The following ADAMTS20 variants were observed in gnomAD, a reference collection of about 807,000 sequenced individuals.
ADAMTS20 encodes the protein ADAM metallopeptidase with thrombospondin type 1 motif 20.
In ADAMTS20, 225 loss-of-function variants were observed where a neutral mutation model predicts 260.1. That is an observed-to-expected ratio of 0.87 (90% CI 0.78 to 0.97). ADAMTS20 has a LOEUF of 0.97. Ranked by LOEUF, ADAMTS20 falls within the 50% of genes least tolerant of loss-of-function variation. The pLI, the probability that ADAMTS20 is intolerant of heterozygous loss-of-function variation, is 0.00. For synonymous variants in ADAMTS20, 802 were observed against 769.5 expected, an observed-to-expected ratio of 1.04 and a Z score of -0.70; for missense variants, 2,400 against 2,337.7, an observed-to-expected ratio of 1.03 and a Z score of -0.55.
At chr12:43,427,829 T>C (rs183192636) in intron 26 of ADAMTS20, among the ~76,000 whole-genome samples, 4 of 152,346 alleles carry the variant, frequency 2.6e-5, no homozygotes, top group Admixed American at 2.6e-4. Flanking sequence ...TTATTTTGTA[T>C]TATGAATGTT....
Position 43,492,633 on chromosome 12 carries a change from T to A in ADAMTS20, c.952-4A>T. Reference sequence around the variant, plus strand: ...CAAAATTAATGACTGGTCCTTCCTATGCAAAATAAGCAATGCAATACTATG... The same window carrying A: ...CAAAATTAATGACTGGTCCTTCCTAAGCAAAATAAGCAATGCAATACTATG... On this transcript the variant is annotated splice_polypyrimidine_tract_variant and splice_region_variant and intron_variant, in intron 5 of 38. Transcript: ENST00000389420. 1.1e-5 allele frequency: 18 copies of A among 1,613,444 alleles called. No homozygotes were observed. Among genetic ancestry groups the A allele is most frequent in the Non-Finnish European group, 1.4e-5 (17 of 1,179,636 alleles).
chr12:43,532,399 T>G (rs191697100), intron 2 of ADAMTS20, among the ~76,000 whole-genome samples: 1 of 152,102 alleles, frequency 6.6e-6, no homozygotes. Context: ...GAAGACTGGA[T>G]AGTGTTCCAA....
chr12:43,500,026 C>T (rs961289889), intron 4 of ADAMTS20, among the ~76,000 whole-genome samples: 5 of 108,338 alleles, frequency 4.6e-5, no homozygotes, highest in African/African-American at 1.9e-4. Context: ...AACTTTCTTT[C>T]CTTATTGCTT....
chr12:43,493,485 C>T (rs1039684989), intron 4 of ADAMTS20, among the ~76,000 whole-genome samples: 1 of 152,144 alleles, frequency 6.6e-6, no homozygotes, highest in Non-Finnish European at 1.5e-5. Context: ...ATTTGAGTAT[C>T]TTAAACCTTG....
intron 7 of ADAMTS20, among the ~76,000 whole-genome samples, chr12:43,489,299 A>T (rs531788713): frequency 2.0e-5 from 3 of 148,174 alleles, no homozygotes; most frequent in African/African-American, 7.9e-5. Context: ...TTTCACACAT[A>T]AAAGAATGAA....
chr12:43,425,650 A>C lies in ADAMTS20; in HGVS notation c.4148T>G (p.Val1383Gly), dbSNP rs1313533618. Residue 1383 changes from valine (V) to glycine (G), a missense_variant, in exon 28 of 39, where the codon GTA becomes GGA. Transcript: ENST00000389420. Reference protein sequence around the residue: ...TCGGGIKSRLVICQFPNGQIL... With the variant: ...TCGGGIKSRLGICQFPNGQIL... ...TTGGCCATTGGGAAATTGACATATT[A>C]CAAGTCTTGATTTTATTCCTCCTCC... is the stretch of plus-strand genomic sequence containing the variant. The C allele has an allele frequency of 1.2e-6, 2 of 1,608,386 alleles. No homozygotes were observed.
At chr12:43,367,007 GAAC>G (rs527424993) in intron 37 of ADAMTS20, among the ~76,000 whole-genome samples, 20 of 151,834 alleles carry the variant, frequency 1.3e-4, no homozygotes, top group African/African-American at 2.7e-4. Context: ...ACAAATTCAA[GAAC>G]AACAAAAATT....
At chr12:43,511,171 A>T (rs1418078525) in intron 3 of ADAMTS20, among the ~76,000 whole-genome samples, 1 of 152,102 alleles carries the variant, frequency 6.6e-6, no homozygotes, top group Non-Finnish European at 1.5e-5. Context: ...ACCTCAGAAC[A>T]TTATTAGAAT....
At chr12:43,453,853 A>G (rs1458222562) in intron 12 of ADAMTS20, 54 bp downstream of exon 12, 24 of 1,545,204 alleles carry the variant, frequency 1.6e-5, no homozygotes, top group Non-Finnish European at 2.0e-5. Flanking sequence ...ACTGATGTTT[A>G]CTTTCTGGTG....
Position 43,427,317 on chromosome 12 carries a change from A to G in ADAMTS20, c.4098T>C (p.Asn1366=), listed in dbSNP as rs75332709. ...PGPCPQWNYG[N]WGECSQTCGG... ...AAATATTATGACTTACTTCTCCCCAATTTCCGTAGTTCCACTGTGGACAAG... is the reference window on the plus strand; with the variant it reads ...AAATATTATGACTTACTTCTCCCCAGTTTCCGTAGTTCCACTGTGGACAAG... Residue 1366 remains asparagine (N), a synonymous_variant, in exon 27 of 39, where the codon AAT becomes AAC. Transcript: ENST00000389420. The G allele has an allele frequency of 2.1e-3, 3,418 of 1,610,968 alleles. 59 individuals carry two copies. In the African/African-American group the frequency reaches 0.039, roughly 18 times the overall value.
chr12:43,478,371 AG>A (rs1942391114), intron 7 of ADAMTS20, among the ~76,000 whole-genome samples: 1 of 152,090 alleles, frequency 6.6e-6, no homozygotes, highest in Non-Finnish European at 1.5e-5. Flanking sequence ...AAGCACGAAG[AG>A]AAAAAAAATG....
At chr12:43,423,436 A>C (rs995337287) in intron 28 of ADAMTS20, 2 of 367,784 alleles carry the variant, frequency 5.4e-6, no homozygotes, top group African/African-American at 4.1e-5. Flanking sequence ...TAAATGTTTA[A>C]TGCTTGGTGA....
intron 16 of ADAMTS20, among the ~76,000 whole-genome samples, chr12:43,442,968 C>T (rs1941695539): frequency 6.6e-6 from 1 of 152,172 alleles, no homozygotes; most frequent in African/African-American, 2.4e-5. Context: ...TTACATTTGG[C>T]TTTATAGTTC....
At chr12:43,356,413 T>C (rs1939743373) in intron 38 of ADAMTS20, 71 bp downstream of exon 38, 2 of 959,468 alleles carry the variant, frequency 2.1e-6, no homozygotes, top group Non-Finnish European at 3.2e-6. Context: ...ACATTTTAGG[T>C]AGAGAACCTT....
chr12:43,488,622 T>C, intron 7 of ADAMTS20, among the ~76,000 whole-genome samples: 1 of 152,168 alleles, frequency 6.6e-6, no homozygotes, highest in Non-Finnish European at 1.5e-5. Flanking sequence ...TTACTAGCTT[T>C]GTACAATATT....
At chr12:43,514,555 T>A (rs1942971739) in intron 3 of ADAMTS20, among the ~76,000 whole-genome samples, 1 of 91,748 alleles carries the variant, frequency 1.1e-5, no homozygotes, top group Non-Finnish European at 1.9e-5. Flanking sequence ...AGTGAGACTC[T>A]ATCTCAAAAA....
intron 29 of ADAMTS20, among the ~76,000 whole-genome samples, chr12:43,387,798 A>C (rs759939670): frequency 6.6e-6 from 1 of 152,154 alleles, no homozygotes; most frequent in Non-Finnish European, 1.5e-5. Context: ...GCTCCATCCT[A>C]TTTGAACTTC....
At chr12:43,467,382 G>A (rs1355502800) in intron 8 of ADAMTS20, among the ~76,000 whole-genome samples, 1 of 151,978 alleles carries the variant, frequency 6.6e-6, no homozygotes, top group Non-Finnish European at 1.5e-5. Flanking sequence ...TTAGCAGGTT[G>A]GCAGCAGATC....
intron 3 of ADAMTS20, among the ~76,000 whole-genome samples, chr12:43,508,942 C>G (rs1942884804): frequency 6.6e-6 from 1 of 152,056 alleles, no homozygotes; most frequent in Admixed American, 6.6e-5. Flanking sequence ...TGTGTTTTTC[C>G]CCTCCCTGTG....
Sources: allele counts gnomAD v4.1 joint callset (sites outside exome capture counted in the v4.1 genomes callset), GRCh38; gene constraint gnomAD v4.1.1; transcripts MANE v1.5; gene names NCBI Gene and HGNC (gene_info 2026-07-23, HGNC 2026-07-21).